The following EIF3B variants were observed in gnomAD, a reference collection of about 807,000 sequenced individuals.
EIF3B encodes the protein eukaryotic translation initiation factor 3 subunit 9.
EIF3B carries 10 observed loss-of-function variants against 104.6 expected under a neutral mutation model. That is an observed-to-expected ratio of 0.10 (90% CI 0.06 to 0.16). The LOEUF is 0.16. Among genes scored for constraint, EIF3B ranks in the 10% least tolerant of loss-of-function variants. The pLI, the probability that EIF3B is intolerant of heterozygous loss-of-function variation, is 1.00. For missense variants in EIF3B, 1,014 were observed against 1,087.9 expected, an observed-to-expected ratio of 0.93 and a Z score of 0.96; for synonymous variants, 542 against 417.2, an observed-to-expected ratio of 1.30 and a Z score of -3.65.
chr7:2,371,885 G>A (rs745428963), intron 11 of EIF3B, 36 bp downstream of exon 11: 4 of 1,529,938 alleles, frequency 2.6e-6, no homozygotes, highest in South Asian at 1.1e-5. Context: ...GGCGAATGGG[G>A]CCTACGTGCT....
In EIF3B at chr7:2,360,810, T is replaced by C; in HGVS notation, c.600T>C (p.Leu200=). ...DNVPQVGPDR[L]EKLKNVIHKI... ...TCCCTCAGGTGGGACCCGACCGACT[T>C]GAGAAACTCAAAAATGTCATCCACA... Residue 200 remains leucine, a synonymous_variant, in exon 2 of 19, where the codon CTT becomes CTC. Coordinates refer to ENST00000360876, the MANE Select transcript of EIF3B (RefSeq NM_001037283.2). The C allele has an allele frequency of 6.2e-7, 1 of 1,613,942 alleles. No homozygotes were observed. Among genetic ancestry groups the C allele is most frequent in the Non-Finnish European group, 8.5e-7 (1 of 1,179,816 alleles).
intron 12 of EIF3B, chr7:2,373,567 G>C (rs1470472439): frequency 1.3e-5 from 2 of 152,178 alleles, no homozygotes; most frequent in African/African-American, 4.8e-5. Flanking sequence ...GAGGAGTTTA[G>C]TTTTCACTTT....
At chr7:2,359,762 A>G (rs1237602619) in intron 1 of EIF3B, among the ~76,000 whole-genome samples, 1 of 152,126 alleles carries the variant, frequency 6.6e-6, no homozygotes, top group Non-Finnish European at 1.5e-5. Context: ...AGCCTGTGGG[A>G]TCTGATGCTA....
chr7:2,378,621 C>T (rs975949279), intron 15 of EIF3B, 68 bp from the exon 16 acceptor site: 5 of 1,428,832 alleles, frequency 3.5e-6, no homozygotes, highest in East Asian at 2.3e-5. Flanking sequence ...ATGTTGGCAA[C>T]TCTGAAGATT....
intron 16 of EIF3B, 43 bp downstream of exon 16, chr7:2,378,809 C>T (rs1029493069): frequency 3.2e-6 from 5 of 1,559,698 alleles, no homozygotes; most frequent in Non-Finnish European, 3.5e-6. Flanking sequence ...GTGACATCCG[C>T]CATCATGGCA....
intron 9 of EIF3B, among the ~76,000 whole-genome samples, chr7:2,367,825 A>AATTT (rs1780111961): frequency 3.3e-5 from 2 of 60,310 alleles, no homozygotes; most frequent in East Asian, 6.2e-4. Context: ...TTTTTTTAAA[A>AATTT]TTTTTTTTTT....
chr7:2,371,460 C>T (rs574916393), intron 10 of EIF3B, among the ~76,000 whole-genome samples: 1 of 152,352 alleles, frequency 6.6e-6, no homozygotes, highest in South Asian at 2.1e-4. Flanking sequence ...CCTCAGGACC[C>T]TGGCCTGCAG....
intron 11 of EIF3B, chr7:2,372,132 A>G (rs977231524): frequency 4.9e-6 from 2 of 410,068 alleles, no homozygotes; most frequent in Non-Finnish European, 9.0e-6. Flanking sequence ...ACTTGAGCCC[A>G]GGAGCAGAGG....
chr7:2,379,652 C>A, intron 18 of EIF3B, 141 bp downstream of exon 18: 1 of 642,888 alleles, frequency 1.6e-6, no homozygotes, highest in Non-Finnish European at 2.7e-6. Flanking sequence ...GTTAGCTGAG[C>A]CTCGTGTGAA....
At position 2,366,253 on chromosome 7, in the gene EIF3B, CACAG is replaced by C. The variant is rs534158691; in HGVS notation, c.1158-57_1158-54del. On this transcript the variant is annotated intron_variant, in intron 6 of 18. Coordinates refer to ENST00000360876, the MANE Select transcript of EIF3B (RefSeq NM_001037283.2). ...GAGTTCTGACGGCGTGTTCTGGCCG[CACAG>C]ACAGACTGTGATCCTCTCGTGAGAG... The C allele has an allele frequency of 5.9e-4, 890 of 1,506,112 alleles. 7 individuals carry two copies. The South Asian group carries it at 6.5e-3, about 11-fold the overall frequency. The allele number at this position is 1,506,112 out of a possible 1,614,324, so 93.3% of individuals were successfully genotyped here.
intron 13 of EIF3B, chr7:2,375,107 C>T: frequency 2.1e-6 from 1 of 471,214 alleles, no homozygotes; most frequent in Non-Finnish European, 3.9e-6. Context: ...TCCCTTGCTT[C>T]ATTGTCCACA....
At chr7:2,374,433 T>C (rs1253253490) in intron 12 of EIF3B, 95 bp from the exon 13 acceptor site, 12 of 1,210,358 alleles carry the variant, frequency 9.9e-6, no homozygotes, top group Middle Eastern at 2.3e-4. Flanking sequence ...TCTGCCCTCA[T>C]GGGCAGCATG....
At position 2,374,510 on chromosome 7, in the gene EIF3B, C is replaced by A. The variant is rs752017599; in HGVS notation, c.1811-18C>A. On this transcript the variant is annotated intron_variant, in intron 12 of 18. Transcript: ENST00000360876. ...GGAAGCCCTCGCAGCTCGTGACAGGCGCGCTCTTTCCTTTCAGAGATGTTC... is the reference window on the plus strand; with the variant it reads ...GGAAGCCCTCGCAGCTCGTGACAGGAGCGCTCTTTCCTTTCAGAGATGTTC... 6.2e-7 allele frequency: 1 copy of A among 1,612,932 alleles called. No homozygotes were observed. The highest frequency in any genetic ancestry group is 8.5e-7 in the Non-Finnish European group (1 of 1,179,388).
At position 2,363,704 on chromosome 7, in the gene EIF3B, C is replaced by T. The variant is rs772725989; in HGVS notation, c.943C>T (p.Arg315Cys). 34 of 1,613,878 alleles carry T rather than the reference C, an allele frequency of 2.1e-5. No individual in the cohort carries two copies. Among genetic ancestry groups the T allele is most frequent in the East Asian group, 4.5e-5 (2 of 44,902 alleles). ...QYSVIFESGDRTSIFWNDVKD... is the reference protein window; with the variant it reads ...QYSVIFESGDCTSIFWNDVKD... Reference sequence around the variant, plus strand: ...CAGTGTGATTTTTGAGAGTGGAGACCGCACTTCCATATTCTGGAATGACGT... The same window carrying T: ...CAGTGTGATTTTTGAGAGTGGAGACTGCACTTCCATATTCTGGAATGACGT... The change falls in exon 5 of 19, where the codon CGC becomes TGC. Residue 315 changes from arginine to cysteine, a missense_variant. Around this residue, in one of 4 missense-constraint regions of EIF3B, gnomAD observed 201 missense variants for 240.7 expected, o/e 0.83. Transcript: ENST00000360876.
chr7:2,360,874 T>C lies in EIF3B; in HGVS notation c.664T>C (p.Tyr222His), dbSNP rs1376270687. The change falls in exon 2 of 19, where the codon TAT (tyrosine) becomes CAT (histidine). Residue 222 changes from tyrosine (Y) to histidine (H), a missense_variant. Coordinates refer to ENST00000360876, the MANE Select transcript of EIF3B (RefSeq NM_001037283.2). ...SKFGKITNDF[Y>H]PEEDGKTKGY... ...GTTTGGGAAAATCACAAATGATTTT[T>C]ATCCTGAAGAGGATGGGAAGACAAA... 1.2e-6 allele frequency: 2 copies of C among 1,613,492 alleles called. No individual in the cohort carries two copies. Among genetic ancestry groups the C allele is most frequent in the African/African-American group, 2.7e-5 (2 of 75,034 alleles).
At chr7:2,370,246 GT>G (rs761800285) in intron 10 of EIF3B, among the ~76,000 whole-genome samples, 8 of 152,128 alleles carry the variant, frequency 5.3e-5, no homozygotes, top group Non-Finnish European at 1.0e-4. Context: ...GGAGGCCGAG[GT>G]GGGCGGATCA....
intron 16 of EIF3B, 24 bp downstream of exon 16, chr7:2,378,790 GGCTGTGCTGTGACATCCGCCAT>G: frequency 6.2e-7 from 1 of 1,603,916 alleles, no homozygotes; most frequent in Non-Finnish European, 8.5e-7. Context: ...CCAAAATGAG[GGCTGTGCTGTGACATCCGCCAT>G]CATGGCAAAG....
chr7:2,360,774 A>G lies in EIF3B; in HGVS notation c.564A>G (p.Val188=), dbSNP rs1446022882. The change falls in exon 2 of 19, where the codon GTA becomes GTG. Residue 188 remains valine, a synonymous_variant. Transcript: ENST00000360876. ...QEADGIDSVI[V]VDNVPQVGPD... ...CAGATGGAATCGATTCGGTGATTGT[A>G]GTGGACAATGTCCCTCAGGTGGGAC... 6.2e-7 allele frequency: 1 copy of G among 1,611,558 alleles called. No individual in the cohort carries two copies. The highest frequency in any genetic ancestry group is 1.7e-5 in the Admixed American group (1 of 59,968).
chr7:2,367,837 T>A (rs1780116544), intron 9 of EIF3B, among the ~76,000 whole-genome samples: 1 of 110,692 alleles, frequency 9.0e-6, no homozygotes, highest in East Asian at 2.4e-4. Context: ...TTTTTTTTTT[T>A]TTTTTTTTTT....
Sources: gnomAD v4.1 joint callset for allele counts (sites outside exome capture counted in the v4.1 genomes callset) on GRCh38, gnomAD v4.1.1 for gene constraint, gnomAD v4.1.1 regional missense constraint, MANE v1.5 for transcripts, NCBI Gene and HGNC (gene_info 2026-07-23, HGNC 2026-07-21) for gene names.